The following FRMD3 variants were observed in gnomAD, a reference collection of about 807,000 sequenced individuals.
FRMD3 encodes the protein FERM domain containing 3, also known as FERM domain-containing protein 3.
A neutral mutation model predicts 70.2 loss-of-function variants in FRMD3; 33 were observed. The ratio of observed to expected loss-of-function variants is 0.47; its 90% CI spans 0.36 to 0.63. FRMD3 has a LOEUF of 0.63. Ranked by LOEUF, FRMD3 falls within the 20% of genes least tolerant of loss-of-function variation. The probability of loss-of-function intolerance (pLI) is 0.00; values close to 1 mark genes in which losing one functional copy is unlikely to be tolerated. For synonymous variants in FRMD3, 279 were observed against 255.9 expected (o/e 1.09, Z -0.86); for missense variants, 632 against 711.4 (o/e 0.89, Z 1.27).
intron 3 of FRMD3, among the ~76,000 whole-genome samples, chr9:83,354,486 C>T (rs113759265): frequency 2.6e-5 from 4 of 152,074 alleles, no homozygotes; most frequent in East Asian, 1.9e-4. Context: ...AAACAACAGA[C>T]GCTGGGGACT....
Position 83,318,497 on chromosome 9 carries a change from G to A in FRMD3, c.597-4750C>T, listed in dbSNP as rs115172280. Among the ~76,000 whole-genome samples, 707 of 151,254 alleles carry A rather than the reference G, an allele frequency of 4.7e-3. 6 individuals carry two copies. Among genetic ancestry groups the A allele is most frequent in the African/African-American group, 0.016 (647 of 41,288 alleles). Reference sequence around the variant, plus strand: ...ATATATAATATGTGTGTGTGTGTGTGTATATATATATATCACATTTTCCTT... The same window carrying A: ...ATATATAATATGTGTGTGTGTGTGTATATATATATATATCACATTTTCCTT... On this transcript the variant is annotated intron_variant, in intron 6 of 13. Transcript: ENST00000304195.
At chr9:83,348,123 C>T (rs574488775) in intron 4 of FRMD3, among the ~76,000 whole-genome samples, 1 of 152,166 alleles carries the variant, frequency 6.6e-6, no homozygotes, top group African/African-American at 2.4e-5. Flanking sequence ...ATCCTCCAGA[C>T]AAAATTATAA....
At chr9:83,585,595 C>G in the FRMD3 span, among the ~76,000 whole-genome samples, 1 of 152,162 alleles carries the variant, frequency 6.6e-6, no homozygotes, top group Non-Finnish European at 1.5e-5. Context: ...GACTTGATGG[C>G]TGGAGCTCCA....
At chr9:83,473,203 C>T (rs115267218) in intron 1 of FRMD3, among the ~76,000 whole-genome samples, 36 of 152,244 alleles carry the variant, frequency 2.4e-4, no homozygotes, top group East Asian at 1.7e-3. Context: ...ACTCTTACAC[C>T]GACATCTCAA....
intron 13 of FRMD3, chr9:83,275,833 ACCAGCTGAAAAG>A (rs1833777800): frequency 6.6e-6 from 1 of 152,214 alleles, no homozygotes; most frequent in Non-Finnish European, 1.5e-5. Flanking sequence ...CATGGATGAA[ACCAGCTGAAAAG>A]CTCCCATAGA....
At chr9:83,529,374 T>C (rs758735230) in intron 1 of FRMD3, among the ~76,000 whole-genome samples, 9 of 152,234 alleles carry the variant, frequency 5.9e-5, no homozygotes, top group African/African-American at 2.2e-4. Context: ...TACAGATTTA[T>C]TCTGGGGTGA....
chr9:83,395,431 G>C (rs1209172686), intron 1 of FRMD3, among the ~76,000 whole-genome samples: 1 of 151,948 alleles, frequency 6.6e-6, no homozygotes, highest in Non-Finnish European at 1.5e-5. Flanking sequence ...TCATCACCCA[G>C]GTATTAAGCC....
intron 4 of FRMD3, among the ~76,000 whole-genome samples, chr9:83,347,949 G>C (rs1035027426): frequency 2.0e-5 from 3 of 152,156 alleles, no homozygotes; most frequent in African/African-American, 7.2e-5. Context: ...ATTCATACCT[G>C]AGCTATTTAG....
At chr9:83,577,956 G>T in the FRMD3 span, among the ~76,000 whole-genome samples, 2 of 151,330 alleles carry the variant, frequency 1.3e-5, no homozygotes, top group Non-Finnish European at 3.0e-5. Context: ...AAAGAGAGAA[G>T]ATTAAAATAA....
At chr9:83,268,832 TCA>T (rs1457930928) in intron 13 of FRMD3, among the ~76,000 whole-genome samples, 1 of 152,198 alleles carries the variant, frequency 6.6e-6, no homozygotes, top group Non-Finnish European at 1.5e-5. Context: ...GTTCCTACTC[TCA>T]CAGGAGTTAG....
At chr9:83,297,273 TAAAATGCATGCTG>T (rs1157743730) in intron 12 of FRMD3, among the ~76,000 whole-genome samples, 1 of 152,166 alleles carries the variant, frequency 6.6e-6, no homozygotes. Flanking sequence ...CCTGGAAGAA[TAAAATGCATGCTG>T]AACCACTTGG....
intron 1 of FRMD3, among the ~76,000 whole-genome samples, chr9:83,524,379 A>G (rs1383735321): frequency 1.3e-5 from 2 of 152,238 alleles, no homozygotes; most frequent in African/African-American, 2.4e-5. Context: ...TCATATAACC[A>G]TGGTAAGTTG....
chr9:83,439,354 C>A (rs1286325564), intron 1 of FRMD3, among the ~76,000 whole-genome samples: 2 of 152,212 alleles, frequency 1.3e-5, no homozygotes, highest in Non-Finnish European at 2.9e-5. Context: ...GAGTCTGGAG[C>A]CTTTTCTCTC....
the FRMD3 span, among the ~76,000 whole-genome samples, chr9:83,584,093 T>C: frequency 6.6e-6 from 1 of 152,160 alleles, no homozygotes; most frequent in Non-Finnish European, 1.5e-5. Context: ...CCCAGCATTT[T>C]GGAAGGCCAA....
chr9:83,332,289 G>A (rs12349916), intron 6 of FRMD3, among the ~76,000 whole-genome samples: 1 of 152,064 alleles, frequency 6.6e-6, no homozygotes, highest in African/African-American at 2.4e-5. Context: ...TTTACCTTCA[G>A]TCATCAATCT....
At chr9:83,576,826 A>C in the FRMD3 span, among the ~76,000 whole-genome samples, 2 of 152,228 alleles carry the variant, frequency 1.3e-5, no homozygotes, top group South Asian at 4.1e-4. Context: ...CTATTTTGAC[A>C]TGATTTTATA....
chr9:83,316,211 T>A (rs1028973999), intron 6 of FRMD3, among the ~76,000 whole-genome samples: 3 of 145,258 alleles, frequency 2.1e-5, no homozygotes, highest in South Asian at 4.3e-4. Flanking sequence ...CAGGTTGGAG[T>A]GCAGTGGTGC....
chr9:83,454,624 G>T (rs1472630550), intron 1 of FRMD3, among the ~76,000 whole-genome samples: 2 of 152,218 alleles, frequency 1.3e-5, no homozygotes, highest in African/African-American at 4.8e-5. Context: ...TGGTTGTTGA[G>T]AAATTCCCAA....
rs1213629379 is a variant in FRMD3 at position 83,246,011 on chromosome 9, A to AAACTT, written c.*1902_*1906dup. 1.0e-6 allele frequency: 1 copy of AAACTT among 985,400 alleles called. No individual in the cohort carries two copies. Among genetic ancestry groups the AAACTT allele is most frequent in the Non-Finnish European group, 1.2e-6 (1 of 829,892 alleles). 61.0% of individuals were successfully genotyped at this position (985,400 alleles called of 1,614,324 possible). ...AAGCATATAGGAAAGGAAACCCCTC[A>AAACTT]AACTTAATGGCAAATATATAGTCAT... On this transcript the variant is annotated 3_prime_UTR_variant, in exon 14 of 14. Coordinates refer to ENST00000304195, the MANE Select transcript of FRMD3 (RefSeq NM_174938.6).
Sources: allele counts gnomAD v4.1 joint callset (sites outside exome capture counted in the v4.1 genomes callset), GRCh38; gene constraint gnomAD v4.1.1; transcripts MANE v1.5; gene names NCBI Gene and HGNC (gene_info 2026-07-23, HGNC 2026-07-21).